AKAP6: variants seen among roughly 807,000 people sequenced by gnomAD.
The protein encoded by AKAP6 is A-kinase anchor protein 6.
A neutral mutation model predicts 188.5 loss-of-function variants in AKAP6; 58 were observed. The ratio of observed to expected loss-of-function variants is 0.31; its 90% CI spans 0.25 to 0.38. The LOEUF is 0.38. Ranked by LOEUF, AKAP6 falls within the 10% of genes least tolerant of loss-of-function variation. The pLI, the probability that AKAP6 is intolerant of heterozygous loss-of-function variation, is 1.00. For synonymous variants in AKAP6, 989 were observed against 998.6 expected, an observed-to-expected ratio of 0.99 and a Z score of 0.18; for missense variants, 2,710 against 2,740.0, an observed-to-expected ratio of 0.99 and a Z score of 0.24.
intron 12 of AKAP6, among the ~76,000 whole-genome samples, chr14:32,809,899 G>A (rs976155460): frequency 6.6e-6 from 1 of 152,168 alleles, no homozygotes; most frequent in African/African-American, 2.4e-5. Context: ...GTAAAAGGTG[G>A]AGGTCACCTG....
In AKAP6 at chr14:32,439,848, T is replaced by C. The variant is rs564281137; in HGVS notation, c.324+6031T>C. On this transcript the variant is annotated intron_variant, in intron 2 of 13. Coordinates refer to ENST00000280979, the MANE Select transcript of AKAP6 (RefSeq NM_004274.5). ...TGACTGTGTGTTAAAGCCCGAAGCATTCAATTTATACCATCTTTGAGTGGT... is the reference window on the plus strand; with the variant it reads ...TGACTGTGTGTTAAAGCCCGAAGCACTCAATTTATACCATCTTTGAGTGGT... Among the ~76,000 whole-genome samples the C allele has an allele frequency of 7.2e-5, 11 of 152,324 alleles. 1 individual carries two copies. The highest frequency in any genetic ancestry group is 1.2e-4 in the Non-Finnish European group (8 of 68,022).
chr14:32,605,709 C>A (rs561702997), intron 7 of AKAP6, among the ~76,000 whole-genome samples: 1 of 152,272 alleles, frequency 6.6e-6, no homozygotes, highest in Non-Finnish European at 1.5e-5. Flanking sequence ...CTTTCCATGA[C>A]GTGACCTTGC....
At chr14:32,352,071 C>CTGTGTGTGTG (rs147604276) in intron 1 of AKAP6, among the ~76,000 whole-genome samples, 1 of 134,004 alleles carries the variant, frequency 7.5e-6, no homozygotes, top group Non-Finnish European at 1.6e-5. Context: ...TTGGGAGACC[C>CTGTGTGTGTG]TGTGTGTGTG....
At chr14:32,553,418 T>C (rs1166410984) in intron 4 of AKAP6, among the ~76,000 whole-genome samples, 3 of 152,094 alleles carry the variant, frequency 2.0e-5, no homozygotes, top group Non-Finnish European at 4.4e-5. Context: ...GTGATCCACT[T>C]GCCTTGGCCT....
At chr14:32,501,000 T>A (rs1880582970) in intron 2 of AKAP6, among the ~76,000 whole-genome samples, 1 of 152,144 alleles carries the variant, frequency 6.6e-6, no homozygotes. Flanking sequence ...CACCAAAGTA[T>A]TTGGAAAGCT....
chr14:32,731,064 A>T (rs2031150678), intron 9 of AKAP6, among the ~76,000 whole-genome samples: 2 of 152,146 alleles, frequency 1.3e-5, no homozygotes, highest in South Asian at 4.1e-4. Flanking sequence ...GGATACTCTG[A>T]CACCCTGATC....
chr14:32,582,686 T>C (rs1392437707), intron 5 of AKAP6, among the ~76,000 whole-genome samples: 8 of 152,164 alleles, frequency 5.3e-5, no homozygotes, highest in African/African-American at 1.7e-4. Context: ...CTTTGTTCAT[T>C]TCTTTTTATT....
intron 2 of AKAP6, among the ~76,000 whole-genome samples, chr14:32,485,221 A>G (rs373897048): frequency 1.4e-4 from 20 of 147,664 alleles, no homozygotes; most frequent in Non-Finnish European, 1.0e-4. Context: ...ATTGATGGGC[A>G]TTTGAGTTGG....
At chr14:32,346,734 T>A (rs890956903) in intron 1 of AKAP6, among the ~76,000 whole-genome samples, 3 of 152,168 alleles carry the variant, frequency 2.0e-5, no homozygotes, top group African/African-American at 4.8e-5. Context: ...GGTCTCGATC[T>A]CCTGACCTTG....
chr14:32,580,590 A>G (rs546863987), intron 5 of AKAP6, among the ~76,000 whole-genome samples: 20 of 152,232 alleles, frequency 1.3e-4, no homozygotes, highest in Non-Finnish European at 2.2e-4. Flanking sequence ...TTTAGGGTAC[A>G]TGTGCACAAC....
At position 32,482,639 on chromosome 14, in the gene AKAP6, C is replaced by G. The variant is rs137913889; in HGVS notation, c.324+48822C>G. ...TGTATTCCAAGGGCCTGGAAAAGTGCTTGGCACAGAAAATATGTTCAAGTA... is the reference window on the plus strand; with the variant it reads ...TGTATTCCAAGGGCCTGGAAAAGTGGTTGGCACAGAAAATATGTTCAAGTA... On this transcript the variant is annotated intron_variant, in intron 2 of 13. Transcript: ENST00000280979. Among the ~76,000 whole-genome samples, 162 of 152,290 alleles carry G rather than the reference C, an allele frequency of 1.1e-3. 3 individuals carry two copies. The East Asian group carries it at 0.025, about 24-fold the overall frequency.
Position 32,715,664 on chromosome 14 carries a change from C to A in AKAP6, c.3001-16790C>A, listed in dbSNP as rs535914145. ...ATCTAGGAAATAGCTTGGCATGTTCCTAGGATTTTACCAAAAACAGGAAGA... is the reference window on the plus strand; with the variant it reads ...ATCTAGGAAATAGCTTGGCATGTTCATAGGATTTTACCAAAAACAGGAAGA... On this transcript the variant is annotated intron_variant, in intron 9 of 13. Coordinates refer to ENST00000280979, the MANE Select transcript of AKAP6 (RefSeq NM_004274.5). Among the ~76,000 whole-genome samples, 7 of 151,842 alleles carry A rather than the reference C, an allele frequency of 4.6e-5. No individual in the cohort carries two copies. The South Asian group carries it at 1.5e-3, about 32-fold the overall frequency.
At chr14:32,597,554 G>T (rs1885755689) in intron 5 of AKAP6, among the ~76,000 whole-genome samples, 1 of 152,126 alleles carries the variant, frequency 6.6e-6, no homozygotes, top group Non-Finnish European at 1.5e-5. Context: ...TTTTTCATAG[G>T]TAATATATAG....
chr14:32,595,922 T>A lies in AKAP6; in HGVS notation c.2470-3488T>A, dbSNP rs529776410. ...AAGGATTGTGTATTGTTAACTTTCA[T>A]ATCTATAGGCTTGACAAAGACTACT... On this transcript the variant is annotated intron_variant, in intron 5 of 13. Transcript: ENST00000280979. Among the ~76,000 whole-genome samples the A allele has an allele frequency of 5.9e-5, 9 of 152,292 alleles. No homozygotes were observed. The South Asian group carries it at 1.9e-3, about 32-fold the overall frequency.
chr14:32,720,863 A>C (rs114759699), intron 9 of AKAP6, among the ~76,000 whole-genome samples: 2,133 of 152,312 alleles, frequency 0.014, 37 homozygotes, highest in African/African-American at 0.048. Context: ...TCTCAAAAAA[A>C]ACTTTAAAAA....
chr14:32,779,429 A>AAAAAC (rs1407020722), intron 12 of AKAP6, among the ~76,000 whole-genome samples: 38 of 151,040 alleles, frequency 2.5e-4, no homozygotes, highest in African/African-American at 8.7e-4. Context: ...AAAAAAAAAA[A>AAAAAC]AACAAAGGAA....
At chr14:32,709,821 T>G (rs1890966324) in intron 9 of AKAP6, among the ~76,000 whole-genome samples, 1 of 152,056 alleles carries the variant, frequency 6.6e-6, no homozygotes, top group Non-Finnish European at 1.5e-5. Flanking sequence ...TTCTGTATAG[T>G]CACATTTCTC....
At chr14:32,751,498 CTTT>C (rs71432082) in intron 11 of AKAP6, among the ~76,000 whole-genome samples, 22 of 122,526 alleles carry the variant, frequency 1.8e-4, no homozygotes, top group Admixed American at 3.5e-4. Context: ...TCTCTTTTCA[CTTT>C]TTTTTTTTTT....
chr14:32,830,261 G>T lies in AKAP6; in HGVS notation c.*456G>T. 2 of 311,534 alleles carry T rather than the reference G, an allele frequency of 6.4e-6. No individual in the cohort carries two copies. The highest frequency in any genetic ancestry group is 1.2e-5 in the Non-Finnish European group (2 of 171,302). The allele number at this position is 311,534 out of a possible 1,614,324, so 19.3% of individuals were successfully genotyped here. A position where few individuals can be genotyped will look rare whatever the true frequency, so the allele number is the denominator to read the frequency against. On this transcript the variant is annotated 3_prime_UTR_variant, in exon 14 of 14. Transcript: ENST00000280979. ...GTATCAATCTGGATTTTTTTTTAAC[G>T]GTATAATGACTGTGTTTATTGAAAG...
Sources: gnomAD v4.1 joint callset for allele counts (sites outside exome capture counted in the v4.1 genomes callset) on GRCh38, gnomAD v4.1.1 for gene constraint, MANE v1.5 for transcripts, NCBI Gene and HGNC (gene_info 2026-07-23, HGNC 2026-07-21) for gene names.